ROBO2: variants seen among roughly 807,000 people sequenced by gnomAD.
The protein encoded by ROBO2 is roundabout homolog 2.
A neutral mutation model predicts 160.8 loss-of-function variants in ROBO2; 53 were observed. That is an observed-to-expected ratio of 0.33 (90% CI 0.26 to 0.41). The LOEUF is 0.41. Among genes scored for constraint, ROBO2 ranks in the 10% least tolerant of loss-of-function variants. The probability of loss-of-function intolerance (pLI) is 1.00; values close to 1 mark genes in which losing one functional copy is unlikely to be tolerated. For missense variants in ROBO2, 1,577 were observed against 1,722.4 expected (o/e 0.92, Z 1.49); for synonymous variants, 664 against 611.7 (o/e 1.09, Z -1.26).
intron 2 of ROBO2, among the ~76,000 whole-genome samples, chr3:76,962,455 A>C (rs763831745): frequency 1.3e-5 from 2 of 152,118 alleles, no homozygotes; most frequent in Middle Eastern, 3.4e-3. Context: ...CCTGACCAAC[A>C]TGGAGAAAGC....
chr3:77,128,888 AT>A (rs1653579132), intron 2 of ROBO2, among the ~76,000 whole-genome samples: 1 of 152,222 alleles, frequency 6.6e-6, no homozygotes, highest in Non-Finnish European at 1.5e-5. Context: ...CCATCAAAAA[AT>A]ATCTGAAAAT....
In ROBO2 at chr3:76,666,170, G is replaced by A. The variant is rs114253110; in HGVS notation, c.110-431844G>A. Among the ~76,000 whole-genome samples the A allele has an allele frequency of 4.1e-3, 627 of 151,142 alleles. 4 individuals carry two copies. The highest frequency in any genetic ancestry group is 0.014 in the African/African-American group (592 of 41,232). ...TGCTAGGAAAATGAATAACTATTAC[G>A]ATTGTTACTCTACAAATCAGGATGT... is the stretch of plus-strand genomic sequence containing the variant. On this transcript the variant is annotated intron_variant, in intron 2 of 26. Coordinates refer to the ROBO2 transcript ENST00000487694.
At chr3:76,636,722 G>A (rs1381212043) in intron 2 of ROBO2, among the ~76,000 whole-genome samples, 2 of 152,128 alleles carry the variant, frequency 1.3e-5, no homozygotes, top group Non-Finnish European at 2.9e-5. Context: ...AGCCACAGTA[G>A]GACCCAACCA....
At chr3:76,948,683 C>A (rs1452917695) in intron 2 of ROBO2, among the ~76,000 whole-genome samples, 1 of 144,274 alleles carries the variant, frequency 6.9e-6, no homozygotes, top group Non-Finnish European at 1.5e-5. Flanking sequence ...ATGTTCCAAC[C>A]CCTCCACTGA....
chr3:77,546,510 G>A, intron 7 of ROBO2, 48 bp downstream of exon 8: 2 of 1,608,980 alleles, frequency 1.2e-6, no homozygotes. Flanking sequence ...AACTTCTACT[G>A]TCTCTGCTGC....
chr3:76,163,293 G>A (rs28683148), intron 2 of ROBO2, among the ~76,000 whole-genome samples: 6,891 of 151,674 alleles, frequency 0.045, 359 homozygotes, highest in East Asian at 0.22. Context: ...TGTTCCAAAA[G>A]ATTATATTTG....
In ROBO2 at chr3:76,567,394, C is replaced by G. The variant is rs151288581; in HGVS notation, c.110-530620C>G. On this transcript the variant is annotated intron_variant, in intron 2 of 26. Coordinates refer to the ROBO2 transcript ENST00000487694. ...AATACCCTGCCAGTGCTACATGTAT[C>G]TTATTTTGGAAATGTAAATATCTTG... Among the ~76,000 whole-genome samples, 201 of 151,726 alleles carry G rather than the reference C, an allele frequency of 1.3e-3. 1 individual carries two copies. The highest frequency in any genetic ancestry group is 4.7e-3 in the African/African-American group (195 of 41,384).
rs115087712 is a variant in ROBO2 at position 77,588,612 on chromosome 3, T to A, written c.2501-139T>A. 5.5e-4 allele frequency: 434 copies of A among 787,712 alleles called. 2 individuals carry two copies. The African/African-American group carries it at 7.1e-3, about 13-fold the overall frequency. The allele number at this position is 787,712 out of a possible 1,614,324, so 48.8% of individuals were successfully genotyped here. On this transcript the variant is annotated intron_variant, in intron 16 of 25. Transcript: ENST00000461745. The stretch of plus-strand genomic sequence containing the variant: ...TTTTGAAAATTATGGGCTATGCTTA[T>A]CAATACTTGTGATAGGCTCAAAACT...
At chr3:76,402,600 G>A (rs1006698050) in intron 2 of ROBO2, among the ~76,000 whole-genome samples, 10 of 151,500 alleles carry the variant, frequency 6.6e-5, no homozygotes, top group Non-Finnish European at 1.5e-5. Flanking sequence ...AGGGTCTAAG[G>A]AAGAACCCGT....
At chr3:77,466,950 A>G (rs2082828622) in intron 2 of ROBO2, among the ~76,000 whole-genome samples, 1 of 152,180 alleles carries the variant, frequency 6.6e-6, no homozygotes, top group Non-Finnish European at 1.5e-5. Context: ...GAGCAATAAC[A>G]CGTTGATACC....
rs1199001953 is a variant in ROBO2 at position 76,228,447 on chromosome 3, T to G, written c.109+290845T>G. Among the ~76,000 whole-genome samples the G allele has an allele frequency of 5.6e-5, 5 of 88,582 alleles. No homozygotes were observed. In the East Asian group the frequency reaches 2.2e-3, roughly 39 times the overall value. The allele number at this position is 88,582 out of a possible 152,430, so 58.1% of individuals were successfully genotyped here. A position where few individuals can be genotyped will look rare whatever the true frequency, so the allele number is the denominator to read the frequency against. On this transcript the variant is annotated intron_variant, in intron 2 of 26. Coordinates refer to the ROBO2 transcript ENST00000487694. Reference sequence around the variant, plus strand: ...TTTCCAAAAGATCTGTACAAGATTTTTAAATAGCAAATTACAGACAGACAG... The same window carrying G: ...TTTCCAAAAGATCTGTACAAGATTTGTAAATAGCAAATTACAGACAGACAG...
intron 2 of ROBO2, among the ~76,000 whole-genome samples, chr3:76,580,328 G>GTTTTTTTT (rs748888426): frequency 5.9e-5 from 4 of 67,318 alleles, no homozygotes; most frequent in Admixed American, 1.7e-4. Context: ...TTTTTTTTTT[G>GTTTTTTTT]TTTTTTTTTT....
intron 2 of ROBO2, among the ~76,000 whole-genome samples, chr3:76,505,371 A>AG (rs1234224977): frequency 1.2e-4 from 4 of 33,032 alleles, no homozygotes; most frequent in Non-Finnish European, 1.2e-4. Context: ...TCAGCATTTA[A>AG]AAAAAAAAAA....
chr3:77,215,227 T>C lies in ROBO2; in HGVS notation c.388+116887T>C, dbSNP rs544166309. The stretch of plus-strand genomic sequence containing the variant: ...CACTTTCAGGTACACCAATTAAACA[T>C]AGATTTGGTCTTTTCACATAGTCCC... On this transcript the variant is annotated intron_variant, in intron 2 of 25. Coordinates refer to ENST00000461745, the Ensembl canonical transcript of ROBO2. 3.3e-5 allele frequency among the ~76,000 whole-genome samples: 5 copies of C among 152,342 alleles called. No individual in the cohort carries two copies. In the South Asian group the frequency reaches 6.2e-4, roughly 19 times the overall value.
chr3:76,777,720 G>A (rs1015024746), intron 2 of ROBO2, among the ~76,000 whole-genome samples: 11 of 150,912 alleles, frequency 7.3e-5, no homozygotes, highest in South Asian at 4.2e-4. Flanking sequence ...GAAAAGACCC[G>A]TACCTCTGGT....
At chr3:77,346,983 C>T (rs962299825) in intron 2 of ROBO2, among the ~76,000 whole-genome samples, 1 of 151,980 alleles carries the variant, frequency 6.6e-6, no homozygotes, top group Admixed American at 6.6e-5. Flanking sequence ...AACCTTAATT[C>T]CAACTGCAGA....
intron 2 of ROBO2, among the ~76,000 whole-genome samples, chr3:76,134,556 C>G (rs73843000): frequency 0.015 from 2,337 of 152,168 alleles, 60 homozygotes; most frequent in African/African-American, 0.053. Context: ...CAGAGAATCT[C>G]TCTCCTGCCT....
intron 2 of ROBO2, among the ~76,000 whole-genome samples, chr3:77,016,599 A>G (rs2062276165): frequency 6.6e-6 from 1 of 152,166 alleles, no homozygotes; most frequent in African/African-American, 2.4e-5. Context: ...GAACTCTTTA[A>G]TCTACAAAAA....
chr3:77,025,073 G>T (rs994344678), intron 2 of ROBO2, among the ~76,000 whole-genome samples: 1 of 152,126 alleles, frequency 6.6e-6, no homozygotes, highest in African/African-American at 2.4e-5. Flanking sequence ...AGGAGACAGG[G>T]TGGCTAGCTC....
Sources: allele counts gnomAD v4.1 joint callset (sites outside exome capture counted in the v4.1 genomes callset), GRCh38; gene constraint gnomAD v4.1.1; transcripts MANE v1.5; gene names NCBI Gene and HGNC (gene_info 2026-07-23, HGNC 2026-07-21).